Variants in MYT1L observed in about 807,000 individuals in gnomAD.
MYT1L encodes myelin transcription factor 1-like protein.
A neutral mutation model predicts 126.7 loss-of-function variants in MYT1L; 12 were observed. The observed-to-expected ratio is 0.09, with a 90% CI of 0.06 to 0.15. The LOEUF (loss-of-function observed/expected upper bound fraction) is 0.15. Among genes scored for constraint, MYT1L ranks in the 10% least tolerant of loss-of-function variants. The probability of loss-of-function intolerance (pLI) is 1.00; values close to 1 mark genes in which losing one functional copy is unlikely to be tolerated. For missense variants in MYT1L, 979 were observed against 1,585.2 expected (o/e 0.62, Z 6.49); for synonymous variants, 541 against 604.2 (o/e 0.90, Z 1.53).
At chr2:2,181,432 G>A (rs546255603) in intron 2 of MYT1L, among the ~76,000 whole-genome samples, 131 of 152,286 alleles carry the variant, frequency 8.6e-4, no homozygotes, top group Non-Finnish European at 1.7e-3. Context: ...TTTTCAGAGA[G>A]TCCTTGGGAA....
intron 18 of MYT1L, among the ~76,000 whole-genome samples, chr2:1,874,295 C>T (rs1442382069): frequency 1.3e-5 from 2 of 152,124 alleles, no homozygotes; most frequent in Non-Finnish European, 2.9e-5. Context: ...GGTTCCCCAT[C>T]TGTGAAATGG....
intron 5 of MYT1L, among the ~76,000 whole-genome samples, chr2:1,988,792 G>A (rs986082056): frequency 6.6e-6 from 1 of 152,218 alleles, no homozygotes; most frequent in African/African-American, 2.4e-5. Flanking sequence ...GCCTCCCAAA[G>A]TGCTGTGATT....
At position 1,944,513 on chromosome 2, in the gene MYT1L, AG is replaced by A. The variant is rs572232471; in HGVS notation, c.153-1180del. ...CTCTCTCACTGGCCCATTATTCTGC[AG>A]GGTGAGAGGTGTGGCCTCTCTCACT... On this transcript the variant is annotated intron_variant, in intron 8 of 24. Coordinates refer to ENST00000647738, the MANE Select transcript of MYT1L (RefSeq NM_001303052.2). Among the ~76,000 whole-genome samples the A allele has an allele frequency of 5.3e-4, 80 of 152,242 alleles. 4 individuals are homozygous for A. In the South Asian group the frequency reaches 0.014, roughly 27 times the overall value.
intron 8 of MYT1L, among the ~76,000 whole-genome samples, chr2:1,970,655 G>C (rs1225997994): frequency 1.3e-5 from 2 of 152,194 alleles, no homozygotes; most frequent in Non-Finnish European, 2.9e-5. Context: ...CTGGGCCACT[G>C]TCACATCAGG....
intron 8 of MYT1L, among the ~76,000 whole-genome samples, chr2:1,945,940 C>A (rs149100488): frequency 6.6e-6 from 1 of 152,140 alleles, no homozygotes; most frequent in African/African-American, 2.4e-5. Flanking sequence ...TCTTAGGAAG[C>A]CAGTTTTTCT....
intron 8 of MYT1L, among the ~76,000 whole-genome samples, chr2:1,949,608 G>A (rs1174429172): frequency 6.6e-6 from 1 of 152,164 alleles, no homozygotes; most frequent in Non-Finnish European, 1.5e-5. Context: ...CATGTATAAA[G>A]GTCTTTTATT....
At chr2:2,012,583 C>CAT (rs1439356819) in intron 4 of MYT1L, among the ~76,000 whole-genome samples, 1 of 152,194 alleles carries the variant, frequency 6.6e-6, no homozygotes, top group Non-Finnish European at 1.5e-5. Context: ...TTTTCCTTTT[C>CAT]ATGGTTTCAG....
chr2:1,961,799 G>C (rs1033641992), intron 8 of MYT1L, among the ~76,000 whole-genome samples: 1 of 152,202 alleles, frequency 6.6e-6, no homozygotes, highest in African/African-American at 2.4e-5. Context: ...AACTCACACA[G>C]ATGTTTTGGT....
At chr2:2,310,466 T>G (rs1328702088) in intron 1 of MYT1L, among the ~76,000 whole-genome samples, 1 of 152,230 alleles carries the variant, frequency 6.6e-6, no homozygotes, top group East Asian at 1.9e-4. Context: ...CAGTACACTA[T>G]ACTACTCTCT....
At chr2:2,023,074 T>C (rs1178140391) in intron 4 of MYT1L, among the ~76,000 whole-genome samples, 1 of 152,184 alleles carries the variant, frequency 6.6e-6, no homozygotes, top group Non-Finnish European at 1.5e-5. Flanking sequence ...TGCCCACATC[T>C]TTGTCAATGA....
chr2:2,083,913 T>G (rs1361046648), intron 3 of MYT1L, among the ~76,000 whole-genome samples: 2 of 148,702 alleles, frequency 1.3e-5, no homozygotes, highest in Non-Finnish European at 3.0e-5. Flanking sequence ...CTATACTCAT[T>G]TTAGTGTAGA....
At chr2:1,965,513 G>A (rs1179316718) in intron 8 of MYT1L, among the ~76,000 whole-genome samples, 1 of 152,238 alleles carries the variant, frequency 6.6e-6, no homozygotes, top group Non-Finnish European at 1.5e-5. Flanking sequence ...TCTGTGACTT[G>A]CAAAAGATGA....
chr2:1,897,498 T>C (rs2049762806), intron 14 of MYT1L, among the ~76,000 whole-genome samples: 1 of 152,166 alleles, frequency 6.6e-6, no homozygotes. Context: ...AGTCTCACTC[T>C]GTCACCCAGG....
rs2036545356 is a variant in MYT1L at position 1,811,041 on chromosome 2, A to G, written c.3081-1874T>C. The G allele has an allele frequency of 6.6e-6, 1 of 152,124 alleles. No homozygotes were observed. The highest frequency in any genetic ancestry group is 2.4e-5 in the African/African-American group (1 of 41,420). 9.4% of individuals were successfully genotyped at this position (152,124 alleles called of 1,614,324 possible). A position where few individuals can be genotyped will look rare whatever the true frequency, so the allele number is the denominator to read the frequency against. On this transcript the variant is annotated intron_variant, in intron 21 of 24. Coordinates refer to ENST00000647738, the MANE Select transcript of MYT1L (RefSeq NM_001303052.2). This position sits in a 1 kb window ranked among gnomAD's most constrained non-coding sequence, Gnocchi z 4.4. ...GTGCCCTTATAACAGGGACCCAGAC[A>G]GCTCCTTAACCCCTTCTCCCATGTG...
chr2:1,917,163 G>C lies in MYT1L; in HGVS notation c.1618+42C>G. 6.3e-7 allele frequency: 1 copy of C among 1,591,952 alleles called. No homozygotes were observed. Among genetic ancestry groups the C allele is most frequent in the Non-Finnish European group, 8.6e-7 (1 of 1,164,178 alleles). ...GAGGGATGACAGAGACAGAGTCATG[G>C]GTGTTTGCACCCCCAAGGGTAGCGG... On this transcript the variant is annotated intron_variant, in intron 11 of 24. Coordinates refer to ENST00000647738, the MANE Select transcript of MYT1L (RefSeq NM_001303052.2). This position sits in a 1 kb window ranked among gnomAD's most constrained non-coding sequence, Gnocchi z 5.9.
chr2:1,945,721 T>C (rs747784389), intron 8 of MYT1L, among the ~76,000 whole-genome samples: 3 of 152,334 alleles, frequency 2.0e-5, no homozygotes, highest in South Asian at 2.1e-4. Flanking sequence ...AGGTACTCCA[T>C]GAATGATAGG....
chr2:1,995,383 A>G (rs550783683), intron 5 of MYT1L, among the ~76,000 whole-genome samples: 70 of 152,316 alleles, frequency 4.6e-4, no homozygotes, highest in African/African-American at 1.7e-3. Flanking sequence ...GCCCTTCACC[A>G]TGAGAGAAAT....
intron 23 of MYT1L, among the ~76,000 whole-genome samples, chr2:1,797,930 C>CCA (rs2033982810): frequency 1.2e-4 from 4 of 34,052 alleles, no homozygotes; most frequent in Admixed American, 2.9e-4. Flanking sequence ...CGGTCTCCCC[C>CCA]TTCTCCGGCA....
intron 2 of MYT1L, among the ~76,000 whole-genome samples, chr2:2,271,934 C>T (rs982649464): frequency 6.6e-6 from 1 of 152,194 alleles, no homozygotes; most frequent in Non-Finnish European, 1.5e-5. Flanking sequence ...TATCAGAATT[C>T]AAATAAATTT....
Sources: gnomAD v4.1 joint callset for allele counts (sites outside exome capture counted in the v4.1 genomes callset) on GRCh38, gnomAD v4.1.1 for gene constraint, Gnocchi (gnomAD v3.1) non-coding constraint, MANE v1.5 for transcripts, NCBI Gene and HGNC (gene_info 2026-07-23, HGNC 2026-07-21) for gene names.